SGCE: variants seen among roughly 807,000 people sequenced by gnomAD.
SGCE encodes the protein sarcoglycan epsilon, also known as epsilon-sarcoglycan.
Under a neutral mutation model 57.8 loss-of-function variants are expected in SGCE, and 26 were observed. That is an observed-to-expected ratio of 0.45 (90% CI 0.33 to 0.62). The LOEUF is 0.62. Among genes scored for constraint, SGCE ranks in the 20% least tolerant of loss-of-function variants. SGCE has a pLI of 0.02. For synonymous variants in SGCE, 183 were observed against 189.5 expected (o/e 0.97, Z 0.28); for missense variants, 468 against 548.6 (o/e 0.85, Z 1.47).
intron 9 of SGCE, among the ~76,000 whole-genome samples, chr7:94,592,751 TGTGA>T (rs1219372931): frequency 6.6e-6 from 1 of 152,144 alleles, no homozygotes; most frequent in Non-Finnish European, 1.5e-5. Flanking sequence ...ACCGTAATTC[TGTGA>T]GTAAGGTTGA....
chr7:94,616,940 G>C (rs907368459), intron 5 of SGCE: 3 of 152,152 alleles, frequency 2.0e-5, no homozygotes, highest in African/African-American at 7.2e-5. Flanking sequence ...TTCAAGTTGG[G>C]AAGGGATCTG....
chr7:94,604,806 AATATATATATATATATAT>A (rs59162734), intron 5 of SGCE, among the ~76,000 whole-genome samples: 624 of 44,356 alleles, frequency 0.014, 9 homozygotes, highest in Non-Finnish European at 0.018. Context: ...ATGGTGCTGG[AATATATATATATATATAT>A]ATATATATAT....
chr7:94,623,450 A>T, intron 3 of SGCE, 53 bp from the exon 4 acceptor site: 1 of 1,112,560 alleles, frequency 9.0e-7, no homozygotes, highest in South Asian at 1.3e-5. Flanking sequence ...TTGTAAAATG[A>T]AATTCATTAA....
chr7:94,627,237 G>A (rs887546578), intron 3 of SGCE: 2 of 152,010 alleles, frequency 1.3e-5, no homozygotes, highest in Non-Finnish European at 2.9e-5. Flanking sequence ...TTCATAGTAT[G>A]TAATCCTCTG....
At chr7:94,615,176 T>A (rs1289037856) in intron 5 of SGCE, among the ~76,000 whole-genome samples, 1 of 151,990 alleles carries the variant, frequency 6.6e-6, no homozygotes, top group Non-Finnish European at 1.5e-5. Context: ...CTGGCCAACA[T>A]GGTGAAACCC....
intron 5 of SGCE, among the ~76,000 whole-genome samples, chr7:94,605,649 A>C (rs1800000758): frequency 6.6e-6 from 1 of 152,108 alleles, no homozygotes; most frequent in Admixed American, 6.5e-5. Context: ...ACTCTAAGAC[A>C]ATCAGTAAAA....
At chr7:94,630,941 C>T (rs1402736286) in intron 1 of SGCE, among the ~76,000 whole-genome samples, 1 of 151,918 alleles carries the variant, frequency 6.6e-6, no homozygotes, top group African/African-American at 2.4e-5. Flanking sequence ...CAAAATGTTT[C>T]TTTATCTGTG....
chr7:94,636,355 T>C lies in SGCE; in HGVS notation c.110-6514A>G, dbSNP rs116877160. The stretch of plus-strand genomic sequence containing the variant: ...AGAGACAGATCATAACATTATTTCC[T>C]ACCTGCATATGGCCTCTGCCTCCTA... On this transcript the variant is annotated intron_variant, in intron 1 of 10. Coordinates refer to ENST00000648936, the MANE Select transcript of SGCE (RefSeq NM_003919.3). Among the ~76,000 whole-genome samples the C allele has an allele frequency of 2.3e-4, 35 of 152,358 alleles. No individual in the cohort carries two copies. In the East Asian group the frequency reaches 6.6e-3, roughly 29 times the overall value.
intron 5 of SGCE, among the ~76,000 whole-genome samples, chr7:94,616,714 A>T (rs974081075): frequency 2.6e-5 from 4 of 152,208 alleles, no homozygotes; most frequent in Non-Finnish European, 4.4e-5. Context: ...TTATATAACA[A>T]CTAAAGAAAA....
intron 1 of SGCE, among the ~76,000 whole-genome samples, chr7:94,641,938 T>G (rs1324999728): frequency 6.6e-6 from 1 of 152,074 alleles, no homozygotes; most frequent in Non-Finnish European, 1.5e-5. Flanking sequence ...CTGGGACCAC[T>G]GCAACCGGCT....
intron 5 of SGCE, among the ~76,000 whole-genome samples, chr7:94,613,471 T>C (rs1368726017): frequency 6.6e-6 from 1 of 152,180 alleles, no homozygotes; most frequent in African/African-American, 2.4e-5. Flanking sequence ...TTATCAAGTA[T>C]AAGGCTCTCA....
intron 1 of SGCE, among the ~76,000 whole-genome samples, chr7:94,647,782 C>T (rs1807311956): frequency 6.6e-6 from 1 of 152,198 alleles, no homozygotes; most frequent in African/African-American, 2.4e-5. Context: ...TACCGTCCCT[C>T]CTTACTAATA....
chr7:94,602,698 A>G (rs888768893), intron 6 of SGCE, among the ~76,000 whole-genome samples: 3 of 152,162 alleles, frequency 2.0e-5, no homozygotes, highest in Non-Finnish European at 2.9e-5. Context: ...AATATTACAC[A>G]TATCTTACAT....
chr7:94,606,260 T>C (rs1800123904), intron 5 of SGCE, among the ~76,000 whole-genome samples: 1 of 152,182 alleles, frequency 6.6e-6, no homozygotes, highest in South Asian at 2.1e-4. Context: ...AAGACACATA[T>C]ACATTAAAAG....
At chr7:94,603,786 G>A (rs1226202772) in intron 5 of SGCE, among the ~76,000 whole-genome samples, 1 of 151,936 alleles carries the variant, frequency 6.6e-6, no homozygotes, top group Non-Finnish European at 1.5e-5. Flanking sequence ...ACTATATTTA[G>A]TAGATATTTA....
chr7:94,602,333 GAGA>G (rs1799390449), intron 6 of SGCE, among the ~76,000 whole-genome samples: 2 of 152,150 alleles, frequency 1.3e-5, no homozygotes, highest in South Asian at 2.1e-4. Context: ...CAAGAGGCAT[GAGA>G]AGGAGAGTTC....
intron 5 of SGCE, among the ~76,000 whole-genome samples, chr7:94,615,661 T>C (rs1801817981): frequency 6.6e-6 from 1 of 152,204 alleles, no homozygotes; most frequent in Non-Finnish European, 1.5e-5. Flanking sequence ...TGATTGAAAC[T>C]GGATCCACAT....
chr7:94,605,151 A>G (rs1799919898), intron 5 of SGCE, among the ~76,000 whole-genome samples: 1 of 152,086 alleles, frequency 6.6e-6, no homozygotes, highest in Non-Finnish European at 1.5e-5. Flanking sequence ...GAAAAGACTG[A>G]ACAAGCATCA....
At chr7:94,652,128 A>ATATGAGGG (rs1168157566) in intron 1 of SGCE, among the ~76,000 whole-genome samples, 1 of 152,048 alleles carries the variant, frequency 6.6e-6, no homozygotes, top group East Asian at 1.9e-4. Flanking sequence ...ATAGAAAGAA[A>ATATGAGGG]ACAGCCATCA....
Sources: gnomAD v4.1 joint callset for allele counts (sites outside exome capture counted in the v4.1 genomes callset) on GRCh38, gnomAD v4.1.1 for gene constraint, MANE v1.5 for transcripts, NCBI Gene and HGNC (gene_info 2026-07-23, HGNC 2026-07-21) for gene names.